The following YAP1 variants were observed in gnomAD, a reference collection of about 807,000 sequenced individuals.
YAP1 encodes the protein transcriptional coactivator YAP1.
Under a neutral mutation model 56.9 loss-of-function variants are expected in YAP1, and 5 were observed. The observed-to-expected ratio is 0.09, with a 90% CI of 0.05 to 0.18. The LOEUF is 0.18. YAP1 is among the 10% of genes least tolerant of loss of function. YAP1 has a pLI of 1.00. For synonymous variants in YAP1, 265 were observed against 248.1 expected, an observed-to-expected ratio of 1.07 and a Z score of -0.64; for missense variants, 539 against 651.8, an observed-to-expected ratio of 0.83 and a Z score of 1.88.
intron 2 of YAP1, among the ~76,000 whole-genome samples, chr11:102,122,770 CT>C (rs1943739893): frequency 6.6e-6 from 1 of 151,692 alleles, no homozygotes; most frequent in Admixed American, 6.6e-5. Flanking sequence ...TGGCAGGCGC[CT>C]TAATCCCAGC....
At position 102,125,374 on chromosome 11, in the gene YAP1, TTTTC is replaced by T. The variant is rs1943969745; in HGVS notation, c.572+10984_572+10987del. ...TTCTCATTCTTTTTTTTTTCTTTTC[TTTTC>T]TTTTTTTTTTTTTTTTGAGACAGAG... On this transcript the variant is annotated intron_variant, in intron 2 of 8. Transcript: ENST00000282441. 7.5e-5 allele frequency among the ~76,000 whole-genome samples: 9 copies of T among 120,314 alleles called. No individual in the cohort carries two copies. The Admixed American group carries it at 7.9e-4, about 11-fold the overall frequency. The allele number at this position is 120,314 out of a possible 152,430, so 78.9% of individuals were successfully genotyped here.
intron 5 of YAP1, among the ~76,000 whole-genome samples, 184 bp from the exon 6 acceptor site, chr11:102,209,333 C>T (rs983810632): frequency 1.3e-5 from 2 of 151,784 alleles, no homozygotes; most frequent in African/African-American, 4.9e-5. Flanking sequence ...TTAAAAACTT[C>T]TGAGGTTCCA....
At chr11:102,223,534 T>G in intron 6 of YAP1, 88 bp from the exon 7 acceptor site, 3 of 1,417,412 alleles carry the variant, frequency 2.1e-6, no homozygotes, top group Non-Finnish European at 2.9e-6. Context: ...ATCTGCACGG[T>G]TACTCTGATG....
At chr11:102,211,935 C>T (rs1171729718) in intron 6 of YAP1, among the ~76,000 whole-genome samples, 1 of 152,166 alleles carries the variant, frequency 6.6e-6, no homozygotes, top group Non-Finnish European at 1.5e-5. Flanking sequence ...CACCTCCTGA[C>T]CTCATGATTC....
At chr11:102,206,506 T>C (rs1310240901) in intron 5 of YAP1, among the ~76,000 whole-genome samples, 1 of 152,214 alleles carries the variant, frequency 6.6e-6, no homozygotes, top group Non-Finnish European at 1.5e-5. Flanking sequence ...ATGACAAATA[T>C]ACTTCGGTAT....
intron 2 of YAP1, among the ~76,000 whole-genome samples, chr11:102,136,829 A>G (rs1944702567): frequency 6.6e-6 from 1 of 152,214 alleles, no homozygotes; most frequent in Non-Finnish European, 1.5e-5. Flanking sequence ...TAATAGTTGC[A>G]TAGATCTGTT....
At chr11:102,165,615 G>C (rs980864536) in intron 3 of YAP1, among the ~76,000 whole-genome samples, 1 of 151,946 alleles carries the variant, frequency 6.6e-6, no homozygotes, top group Non-Finnish European at 1.5e-5. Context: ...CCTCTGAAGA[G>C]GCTTGAGCAT....
chr11:102,151,340 A>G (rs1269431287), intron 2 of YAP1, among the ~76,000 whole-genome samples: 2 of 152,052 alleles, frequency 1.3e-5, no homozygotes, highest in Non-Finnish European at 2.9e-5. Flanking sequence ...AATTTAGCCC[A>G]TGGTTTCCCC....
Position 102,230,037 on chromosome 11 carries a change from C to CAGTTTTCAGTGCTCAAAAA in YAP1, c.*99_*100insTTTTCAGTGCTCAAAAAAG. The CAGTTTTCAGTGCTCAAAAA allele has an allele frequency of 9.6e-7, 1 of 1,038,918 alleles. No homozygotes were observed. The highest frequency in any genetic ancestry group is 1.5e-5 in the South Asian group (1 of 67,058). 64.4% of individuals were successfully genotyped at this position (1,038,918 alleles called of 1,614,324 possible). ...GCCAGTTGCAGTTTTCAGGCTAATA[C>CAGTTTTCAGTGCTCAAAAA]AGAAAAAGATGAACAAACGTCCAGC... On this transcript the variant is annotated 3_prime_UTR_variant, in exon 9 of 9. Transcript: ENST00000282441.
At chr11:102,151,011 G>GGCTGGTCTCGAATGCCTGACCCCGTGGTT (rs1296818013) in intron 2 of YAP1, among the ~76,000 whole-genome samples, 2 of 151,774 alleles carry the variant, frequency 1.3e-5, no homozygotes, top group African/African-American at 4.8e-5. Context: ...ATGTTGGCCA[G>GGCTGGTCTCGAATGCCTGACCCCGTGGTT]GCTGGTCTCA....
At chr11:102,200,476 C>T (rs1262489219) in intron 4 of YAP1, among the ~76,000 whole-genome samples, 2 of 145,498 alleles carry the variant, frequency 1.4e-5, no homozygotes, top group Non-Finnish European at 3.0e-5. Flanking sequence ...AAGAGTCTTG[C>T]ACTTTTTGCC....
At chr11:102,152,573 A>G (rs1009127932) in intron 2 of YAP1, among the ~76,000 whole-genome samples, 1 of 152,232 alleles carries the variant, frequency 6.6e-6, no homozygotes, top group East Asian at 1.9e-4. Context: ...ACAGTTGGTC[A>G]GGTGGTCTCC....
chr11:102,130,720 CTTTTTTTTTTTT>C (rs61175592), intron 2 of YAP1, among the ~76,000 whole-genome samples: 3 of 98,112 alleles, frequency 3.1e-5, no homozygotes, highest in East Asian at 3.2e-4. Context: ...GATAACTACT[CTTTTTTTTTTTT>C]TTTTTTTTTT....
intron 5 of YAP1, among the ~76,000 whole-genome samples, chr11:102,208,076 G>C (rs552364427): frequency 6.6e-6 from 1 of 152,260 alleles, no homozygotes; most frequent in East Asian, 1.9e-4. Context: ...CAGAGGAAAA[G>C]ACTAAAAATT....
intron 3 of YAP1, among the ~76,000 whole-genome samples, chr11:102,164,779 A>G (rs1008986063): frequency 5.3e-5 from 8 of 151,908 alleles, no homozygotes; most frequent in African/African-American, 1.5e-4. Flanking sequence ...CTGGAGTGCA[A>G]TGGCACGATC....
In YAP1 at chr11:102,141,487, C is replaced by T. The variant is rs546749864; in HGVS notation, c.573-20969C>T. On this transcript the variant is annotated intron_variant, in intron 2 of 8. Transcript: ENST00000282441. ...GTGGTATGAAAAAATATCCAGTTGG[C>T]GCTAAACAATGTGGTAAGCCCTAAG... 3.9e-5 allele frequency among the ~76,000 whole-genome samples: 6 copies of T among 152,164 alleles called. No individual in the cohort carries two copies. The South Asian group carries it at 8.3e-4, about 21-fold the overall frequency.
At chr11:102,216,866 G>A (rs868362702) in intron 6 of YAP1, among the ~76,000 whole-genome samples, 26 of 152,142 alleles carry the variant, frequency 1.7e-4, no homozygotes, top group African/African-American at 6.0e-4. Flanking sequence ...CTTCTGTTCT[G>A]TATTTCAAAG....
In YAP1 at chr11:102,230,007, C is replaced by T; in HGVS notation, c.*67C>T. The T allele has an allele frequency of 2.2e-6, 3 of 1,394,970 alleles. No individual in the cohort carries two copies. Among genetic ancestry groups the T allele is most frequent in the Middle Eastern group, 1.8e-4 (1 of 5,432 alleles). 86.4% of individuals were successfully genotyped at this position (1,394,970 alleles called of 1,614,324 possible). A position where few individuals can be genotyped will look rare whatever the true frequency, so the allele number is the denominator to read the frequency against. ...AGGAGACACATGCACCGGAAATTTC[C>T]ATAAGCCAGTTGCAGTTTTCAGGCT... is the stretch of plus-strand genomic sequence containing the variant. On this transcript the variant is annotated 3_prime_UTR_variant, in exon 9 of 9. Coordinates refer to ENST00000282441, the MANE Select transcript of YAP1 (RefSeq NM_001130145.3).
chr11:102,140,940 A>G (rs1944986017), intron 2 of YAP1, among the ~76,000 whole-genome samples: 2 of 152,230 alleles, frequency 1.3e-5, no homozygotes, highest in South Asian at 4.1e-4. Context: ...TACAACTGAG[A>G]GAAATTTTCT....
Sources: gnomAD v4.1 joint callset for allele counts (sites outside exome capture counted in the v4.1 genomes callset) on GRCh38, gnomAD v4.1.1 for gene constraint, MANE v1.5 for transcripts, NCBI Gene and HGNC (gene_info 2026-07-23, HGNC 2026-07-21) for gene names.